The following TMEM161A variants were observed in gnomAD, a reference collection of about 807,000 sequenced individuals.
TMEM161A encodes transmembrane protein 161A, also known as adaptive response to oxidative stress protein 29.
A neutral mutation model predicts 57.1 loss-of-function variants in TMEM161A; 46 were observed. The observed-to-expected ratio is 0.81, with a 90% CI of 0.64 to 1.03. The LOEUF is 1.03. TMEM161A is among the 50% of genes least tolerant of loss of function. TMEM161A has a pLI of 0.00. For missense variants in TMEM161A, 601 were observed against 621.5 expected (o/e 0.97, Z 0.35); for synonymous variants, 288 against 279.0 (o/e 1.03, Z -0.32).
At chr19:19,130,047 C>T in intron 6 of TMEM161A, 109 bp downstream of exon 6, 1 of 1,296,958 alleles carries the variant, frequency 7.7e-7, no homozygotes, top group Non-Finnish European at 1.1e-6. Context: ...ACCCCAGGAG[C>T]CCACTCCTTT....
rs564619051 is a variant in TMEM161A at position 19,128,439 on chromosome 19, C to T, written c.595+1717G>A. The stretch of plus-strand genomic sequence containing the variant: ...TAGAGACAGGGTTTCACCATGTTAG[C>T]CAGGATGGTCTTGATCTCCTGACCT... On this transcript the variant is annotated intron_variant, in intron 6 of 11. Coordinates refer to ENST00000162044, the MANE Select transcript of TMEM161A (RefSeq NM_017814.3). Among the ~76,000 whole-genome samples, 5 of 151,632 alleles carry T rather than the reference C, an allele frequency of 3.3e-5. No homozygotes were observed. The East Asian group carries it at 7.7e-4, about 23-fold the overall frequency.
rs899586560 is a variant in TMEM161A, at chr19:19,119,715, C to G, written c.*215G>C. 37 of 607,216 alleles carry G rather than the reference C, an allele frequency of 6.1e-5. No homozygotes were observed. Among genetic ancestry groups the G allele is most frequent in the Middle Eastern group, 8.8e-4 (2 of 2,266 alleles). The allele number at this position is 607,216 out of a possible 1,614,324, so 37.6% of individuals were successfully genotyped here. On this transcript the variant is annotated 3_prime_UTR_variant, in exon 12 of 12. Transcript: ENST00000162044. Reference sequence around the variant, plus strand: ...ACATACGCTTCGGAGACAATGGCCTCGGGACCCTCATGCTGCTGGGCCCAG... The same window carrying G: ...ACATACGCTTCGGAGACAATGGCCTGGGGACCCTCATGCTGCTGGGCCCAG...
chr19:19,136,978 A>G (rs2059987866), intron 1 of TMEM161A, among the ~76,000 whole-genome samples: 2 of 121,140 alleles, frequency 1.7e-5, no homozygotes, highest in Admixed American at 2.1e-4. Flanking sequence ...TCTCTCTCCG[A>G]CCTCTCTCCT....
Position 19,121,539 on chromosome 19 carries a change from GTCC to G in TMEM161A, c.783_785del (p.Glu261del), listed in dbSNP as rs1474568336. 1 of 1,613,834 alleles carries G rather than the reference GTCC, an allele frequency of 6.2e-7. No individual in the cohort carries two copies. The highest frequency in any genetic ancestry group is 2.2e-5 in the East Asian group (1 of 44,876). ...ACCCACTTAACTGCAGCATGGGTCTGTCCTCCGACATGGTCAGTGCGTCCCGGT... is the reference window on the plus strand; with the variant it reads ...ACCCACTTAACTGCAGCATGGGTCTGTCCGACATGGTCAGTGCGTCCCGGT... On this transcript the variant is annotated inframe_deletion, in exon 8 of 12. Transcript: ENST00000162044. This position sits in a 1 kb window ranked among gnomAD's most constrained non-coding sequence, Gnocchi z 5.8.
At chr19:19,133,389 C>A in intron 2 of TMEM161A, 179 bp from the exon 3 acceptor site, 1 of 597,826 alleles carries the variant, frequency 1.7e-6, no homozygotes. Flanking sequence ...CAGATCTAGG[C>A]TGAGTGGGCT....
chr19:19,132,435 T>A lies in TMEM161A; in HGVS notation c.360A>T (p.Thr120=). 6.2e-7 allele frequency: 1 copy of A among 1,614,146 alleles called. No homozygotes were observed. Among genetic ancestry groups the A allele is most frequent in the Non-Finnish European group, 8.5e-7 (1 of 1,180,022 alleles). ...GTCCCAGCATGTAGTAGTAGGCCTC[T>A]GTGAAGAGGTACACGCCGCCCGAGT... is the stretch of plus-strand genomic sequence containing the variant. ...AVYSGGVYLF[T]EAYYYMLGPA... Residue 120 remains threonine (T), a synonymous_variant, in exon 5 of 12, where the codon ACA becomes ACT. Coordinates refer to ENST00000162044, the MANE Select transcript of TMEM161A (RefSeq NM_017814.3). The surrounding 1 kb of genome is among the most constrained non-coding windows in gnomAD (Gnocchi z 4.3).
intron 6 of TMEM161A, among the ~76,000 whole-genome samples, chr19:19,128,257 A>G (rs1599707548): frequency 2.5e-5 from 3 of 122,264 alleles, no homozygotes; most frequent in African/African-American, 3.2e-5. Context: ...TTTGAGATGG[A>G]CTCTTGCTCT....
At position 19,130,159 on chromosome 19, in the gene TMEM161A, G is replaced by T. The variant is rs762095966; in HGVS notation, c.592C>A (p.Pro198Thr). The change falls in exon 6 of 12, where the codon CCT becomes ACT. Residue 198 changes from proline (P) to threonine (T), a missense_variant. Pro to Thr is a conservative substitution (Grantham distance 38). Coordinates refer to ENST00000162044, the MANE Select transcript of TMEM161A (RefSeq NM_017814.3). ...REETLELGLE[P>T]GLASMTQNLE... Reference sequence around the variant, plus strand: ...CCACGTTGGGGGCTGCACTTACCAGGCTCCAGGCCCAGCTCGAGGGTCTCC... The same window carrying T: ...CCACGTTGGGGGCTGCACTTACCAGTCTCCAGGCCCAGCTCGAGGGTCTCC... The T allele has an allele frequency of 2.5e-6, 4 of 1,613,148 alleles. No homozygotes were observed. The highest frequency in any genetic ancestry group is 1.3e-5 in the African/African-American group (1 of 75,068).
chr19:19,124,064 A>C (rs1221576176), intron 6 of TMEM161A, among the ~76,000 whole-genome samples: 1 of 152,200 alleles, frequency 6.6e-6, no homozygotes, highest in Non-Finnish European at 1.5e-5. Context: ...CAAAAAAAAA[A>C]AAAGTAGTAT....
In TMEM161A at chr19:19,121,025, A is replaced by G; in HGVS notation, c.1056T>C (p.Ala352=). The part of the protein sequence containing the change: ...KARVEQLRRE[A]GRIEAREIQQ... Reference sequence around the variant, plus strand: ...GGATTTCACGGGCTTCGATGCGGCCAGCCTCCCTTCGCAGCTGCTCCACCC... The same window carrying G: ...GGATTTCACGGGCTTCGATGCGGCCGGCCTCCCTTCGCAGCTGCTCCACCC... The change falls in exon 10 of 12, where the codon GCT becomes GCC. Residue 352 remains alanine, a synonymous_variant. Coordinates refer to ENST00000162044, the MANE Select transcript of TMEM161A (RefSeq NM_017814.3). The surrounding 1 kb of genome is among the most constrained non-coding windows in gnomAD (Gnocchi z 5.8). The G allele has an allele frequency of 6.2e-7, 1 of 1,609,956 alleles. No homozygotes were observed. The highest frequency in any genetic ancestry group is 8.5e-7 in the Non-Finnish European group (1 of 1,178,118).
chr19:19,135,216 G>A (rs548656138), intron 1 of TMEM161A, among the ~76,000 whole-genome samples: 10 of 152,192 alleles, frequency 6.6e-5, no homozygotes, highest in South Asian at 4.1e-4. Flanking sequence ...TCTGGAAATG[G>A]GTGCTTCCTA....
chr19:19,119,904 A>C lies in TMEM161A; in HGVS notation c.*26T>G. On this transcript the variant is annotated 3_prime_UTR_variant, in exon 12 of 12. Coordinates refer to ENST00000162044, the MANE Select transcript of TMEM161A (RefSeq NM_017814.3). ...TCCCGCTGCCCCAGGAACAGACCTC[A>C]GGGCCCCAGGAGGGTCTGCAGGCAG... 2.6e-6 allele frequency: 4 copies of C among 1,548,678 alleles called. No homozygotes were observed. Among genetic ancestry groups the C allele is most frequent in the Non-Finnish European group, 3.5e-6 (4 of 1,146,956 alleles).
At chr19:19,133,064 G>A (rs1478775048) in intron 3 of TMEM161A, 66 bp downstream of exon 3, 3 of 1,485,226 alleles carry the variant, frequency 2.0e-6, no homozygotes, top group Admixed American at 3.7e-5. Flanking sequence ...CCCCTGAGCA[G>A]GGGTGAGGCC....
chr19:19,130,689 C>T (rs529917345), intron 5 of TMEM161A, among the ~76,000 whole-genome samples: 1 of 152,326 alleles, frequency 6.6e-6, no homozygotes, highest in South Asian at 2.1e-4. Context: ...GTAATCCCAG[C>T]ACTTTGGGAG....
Position 19,121,159 on chromosome 19 carries a change from C to A in TMEM161A, c.922G>T (p.Asp308Tyr). Residue 308 changes from aspartate to tyrosine, a missense_variant, in exon 10 of 12, where the codon GAT (aspartate) becomes TAT (tyrosine). By Grantham distance (160) the Asp-to-Tyr change is radical. Coordinates refer to ENST00000162044, the MANE Select transcript of TMEM161A (RefSeq NM_017814.3). The surrounding 1 kb of genome is among the most constrained non-coding windows in gnomAD (Gnocchi z 5.8). ...AGGCGCCCAGAGTCGAAGGCAGAAT[C>A]GGACAGCCTGTGCGGAGAGGGCCGG... The part of the protein sequence containing the change: ...FGETRFSLLS[D>Y]SAFDSGRLWL... 6.2e-7 allele frequency: 1 copy of A among 1,605,158 alleles called. No individual in the cohort carries two copies. Among genetic ancestry groups the A allele is most frequent in the Non-Finnish European group, 8.5e-7 (1 of 1,175,854 alleles).
At chr19:19,127,714 G>A (rs1402545338) in intron 6 of TMEM161A, among the ~76,000 whole-genome samples, 3 of 151,708 alleles carry the variant, frequency 2.0e-5, no homozygotes, top group Non-Finnish European at 4.4e-5. Flanking sequence ...AGGACTGCTC[G>A]AGGCCAGGAG....
intron 1 of TMEM161A, 169 bp from the exon 2 acceptor site, chr19:19,135,056 C>T: frequency 1.7e-6 from 1 of 575,834 alleles, no homozygotes; most frequent in South Asian, 2.1e-5. Context: ...CTGGACTCAC[C>T]TAGCATGGCC....
At chr19:19,130,546 C>T (rs2059953658) in intron 5 of TMEM161A, 1 of 536,218 alleles carries the variant, frequency 1.9e-6, no homozygotes, top group South Asian at 2.4e-5. Context: ...GCCTCCCGCC[C>T]TGGGTGACCC....
At chr19:19,120,969 C>A in intron 10 of TMEM161A, 23 bp downstream of exon 10, 1 of 1,607,476 alleles carries the variant, frequency 6.2e-7, no homozygotes, top group South Asian at 1.1e-5. Flanking sequence ...TCCCTCTGGC[C>A]TAGGTCATCG....
Sources: allele counts gnomAD v4.1 joint callset (sites outside exome capture counted in the v4.1 genomes callset), GRCh38; gene constraint gnomAD v4.1.1; non-coding constraint Gnocchi (gnomAD v3.1); transcripts MANE v1.5; gene names NCBI Gene and HGNC (gene_info 2026-07-23, HGNC 2026-07-21).